Variants in C4orf36 observed in about 807,000 individuals in gnomAD.
The protein encoded by C4orf36 is chromosome 4 open reading frame 36, also known as uncharacterized protein C4orf36.
Under a neutral mutation model 12.2 loss-of-function variants are expected in C4orf36, and 11 were observed. The observed-to-expected ratio is 0.90, with a 90% CI of 0.57 to 1.49. The LOEUF (loss-of-function observed/expected upper bound fraction) is 1.49. C4orf36 is among the 40% of genes most tolerant of loss of function. The pLI is 0.00. For synonymous variants in C4orf36, 54 were observed against 51.3 expected (o/e 1.05, Z -0.22); for missense variants, 137 against 133.9 (o/e 1.02, Z -0.11).
chr4:86,876,770 G>C, intron 4 of C4orf36: 1 of 1,417,128 alleles, frequency 7.1e-7, no homozygotes, highest in Non-Finnish European at 9.4e-7. Flanking sequence ...AAATAAAATT[G>C]GTTGCAATTT....
the C4orf36 span, among the ~76,000 whole-genome samples, chr4:86,909,342 C>G: frequency 6.6e-6 from 1 of 152,102 alleles, no homozygotes; most frequent in Admixed American, 6.5e-5. Context: ...GGTCCCAAGC[C>G]GTTTGCAACT....
the C4orf36 span, among the ~76,000 whole-genome samples, chr4:86,909,201 C>T: frequency 6.6e-6 from 1 of 152,182 alleles, no homozygotes; most frequent in South Asian, 2.1e-4. Context: ...ATAGTTCCAA[C>T]TTAGCCAAGC....
the C4orf36 span, among the ~76,000 whole-genome samples, chr4:86,930,092 C>A: frequency 1.3e-5 from 2 of 152,218 alleles, no homozygotes; most frequent in African/African-American, 2.4e-5. Context: ...CTTTAGGGTG[C>A]TCTTACCTCC....
the C4orf36 span, among the ~76,000 whole-genome samples, chr4:86,922,949 C>CT: frequency 0.053 from 7,344 of 139,574 alleles, 543 homozygotes; most frequent in African/African-American, 0.16. Flanking sequence ...CTTCTTCTTC[C>CT]TTTTTTTTTT....
chr4:86,886,704 GC>G (rs1747185880), intron 4 of C4orf36: 2 of 152,274 alleles, frequency 1.3e-5, no homozygotes, highest in Non-Finnish European at 2.9e-5. Flanking sequence ...AGACAGTGTG[GC>G]AATTCCTCAG....
chr4:86,919,900 G>C, the C4orf36 span, among the ~76,000 whole-genome samples: 1 of 151,948 alleles, frequency 6.6e-6, no homozygotes, highest in African/African-American at 2.4e-5. Context: ...CTGAGAGTGG[G>C]GGAGTAGCAT....
the C4orf36 span, among the ~76,000 whole-genome samples, chr4:86,929,887 A>G: frequency 6.6e-6 from 1 of 152,252 alleles, no homozygotes; most frequent in Non-Finnish European, 1.5e-5. Context: ...ACCATTAACA[A>G]AAGTTGAGAA....
At chr4:86,913,449 G>T in the C4orf36 span, 1 of 757,674 alleles carries the variant, frequency 1.3e-6, no homozygotes, top group Non-Finnish European at 2.4e-6. Flanking sequence ...TCTTGTCCAT[G>T]TTGCAAAAGC....
the C4orf36 span, chr4:86,913,824 A>AATTTT: frequency 1.5e-6 from 1 of 679,684 alleles, no homozygotes; most frequent in Non-Finnish European, 2.3e-6. Flanking sequence ...CTTTTCATCC[A>AATTTT]CTTTTTTTTT....
chr4:86,880,923 T>C (rs1182921150), intron 4 of C4orf36, among the ~76,000 whole-genome samples: 2 of 151,332 alleles, frequency 1.3e-5, no homozygotes, highest in African/African-American at 4.9e-5. Flanking sequence ...ATCCCAGCTA[T>C]TCAGGAGGCT....
intron 2 of C4orf36, among the ~76,000 whole-genome samples, chr4:86,888,610 A>G (rs1747272244): frequency 2.6e-5 from 4 of 152,224 alleles, no homozygotes; most frequent in Admixed American, 2.6e-4. Flanking sequence ...ATGTGGTCAT[A>G]TTGAAGAAGG....
the C4orf36 span, among the ~76,000 whole-genome samples, chr4:86,908,191 A>G: frequency 6.7e-6 from 1 of 150,010 alleles, no homozygotes; most frequent in African/African-American, 2.4e-5. Flanking sequence ...ACACACACAC[A>G]CACACACACA....
the C4orf36 span, among the ~76,000 whole-genome samples, chr4:86,917,669 G>A: frequency 6.6e-6 from 1 of 151,984 alleles, no homozygotes; most frequent in East Asian, 1.9e-4. Flanking sequence ...AAGGAATTTA[G>A]TCATGTATCA....
At chr4:86,931,725 T>C in the C4orf36 span, among the ~76,000 whole-genome samples, 1 of 152,170 alleles carries the variant, frequency 6.6e-6, no homozygotes, top group Non-Finnish European at 1.5e-5. Flanking sequence ...TAATCATAAG[T>C]ATATGCTCAG....
At chr4:86,903,480 C>T in the C4orf36 span, among the ~76,000 whole-genome samples, 8 of 152,216 alleles carry the variant, frequency 5.3e-5, no homozygotes, top group South Asian at 4.1e-4. Context: ...TTAAAAGCAG[C>T]GCATCTGGAA....
chr4:86,888,851 C>G (rs936439961), intron 2 of C4orf36, among the ~76,000 whole-genome samples: 4 of 152,174 alleles, frequency 2.6e-5, no homozygotes, highest in African/African-American at 9.7e-5. Context: ...AAGTGAAAGA[C>G]CTGCTTTGGT....
intron 2 of C4orf36, among the ~76,000 whole-genome samples, chr4:86,889,195 C>T (rs1299255684): frequency 1.3e-5 from 2 of 151,838 alleles, no homozygotes; most frequent in Non-Finnish European, 2.9e-5. Flanking sequence ...ACTAAAAATA[C>T]AAAACTTAGC....
At chr4:86,930,795 T>C in the C4orf36 span, among the ~76,000 whole-genome samples, 1 of 152,200 alleles carries the variant, frequency 6.6e-6, no homozygotes, top group African/African-American at 2.4e-5. Flanking sequence ...GAAAAAGTGA[T>C]GTCAGGTCAC....
chr4:86,887,714 C>T (rs750790598), intron 4 of C4orf36, 44 bp downstream of exon 4: 10 of 1,612,108 alleles, frequency 6.2e-6, no homozygotes, highest in Non-Finnish European at 8.5e-6. Flanking sequence ...CCTTCATGCC[C>T]TTTGGATGCA....
Sources: gnomAD v4.1 joint callset for allele counts (sites outside exome capture counted in the v4.1 genomes callset) on GRCh38, gnomAD v4.1.1 for gene constraint, MANE v1.5 for transcripts, NCBI Gene and HGNC (gene_info 2026-07-23, HGNC 2026-07-21) for gene names.